The following MEMO1 variants were observed in gnomAD, a reference collection of about 807,000 sequenced individuals.
MEMO1 encodes mediator of cell motility 1.
MEMO1 carries 6 observed loss-of-function variants against 45.2 expected under a neutral mutation model. The observed-to-expected ratio is 0.13, with a 90% CI of 0.07 to 0.26. The LOEUF (loss-of-function observed/expected upper bound fraction) is 0.26, where lower values mean the gene tolerates loss of function less well. Ranked by LOEUF, MEMO1 falls within the 10% of genes least tolerant of loss-of-function variation. MEMO1 has a pLI of 1.00. For missense variants in MEMO1, 184 were observed against 370.5 expected, an observed-to-expected ratio of 0.50 and a Z score of 4.13; for synonymous variants, 78 against 124.3, an observed-to-expected ratio of 0.63 and a Z score of 2.48.
At chr2:31,924,035 G>C (rs544170363) in intron 4 of MEMO1, among the ~76,000 whole-genome samples, 3 of 152,010 alleles carry the variant, frequency 2.0e-5, no homozygotes, top group Admixed American at 6.6e-5. Flanking sequence ...CTCACCAATA[G>C]CCAAATCAAG....
chr2:31,923,424 C>T (rs906443409), intron 4 of MEMO1: 16 of 388,372 alleles, frequency 4.1e-5, no homozygotes, highest in African/African-American at 3.1e-4. Flanking sequence ...CTTGTCATCA[C>T]CTCTATCATC....
At chr2:31,901,609 G>A (rs756509242) in intron 6 of MEMO1, among the ~76,000 whole-genome samples, 87 of 152,014 alleles carry the variant, frequency 5.7e-4, no homozygotes, top group Non-Finnish European at 1.1e-3. Flanking sequence ...TTTTTAGGGT[G>A]ATGAAAACAT....
intron 6 of MEMO1, among the ~76,000 whole-genome samples, chr2:31,912,058 G>C (rs1365358224): frequency 6.6e-6 from 1 of 152,140 alleles, no homozygotes; most frequent in Non-Finnish European, 1.5e-5. Context: ...TATAGGCTGG[G>C]AGCGGTGGGT....
chr2:31,952,714 A>AT (rs1387308424), intron 2 of MEMO1, among the ~76,000 whole-genome samples: 3 of 152,084 alleles, frequency 2.0e-5, no homozygotes, highest in Non-Finnish European at 4.4e-5. Context: ...TTTGCTTGCT[A>AT]TTTTTTCATT....
At chr2:31,999,807 C>T (rs1043963930) in intron 2 of MEMO1, among the ~76,000 whole-genome samples, 2 of 151,974 alleles carry the variant, frequency 1.3e-5, no homozygotes, top group African/African-American at 4.8e-5. Flanking sequence ...TTTGAATTTG[C>T]TGTACCCTCT....
At chr2:31,911,217 C>G (rs1022121899) in intron 6 of MEMO1, among the ~76,000 whole-genome samples, 4 of 152,124 alleles carry the variant, frequency 2.6e-5, no homozygotes, top group African/African-American at 9.7e-5. Context: ...TTACCAAGCT[C>G]TAAAAAGACA....
chr2:31,984,571 A>G (rs777304495), intron 2 of MEMO1, among the ~76,000 whole-genome samples: 8 of 152,182 alleles, frequency 5.3e-5, no homozygotes, highest in Non-Finnish European at 1.0e-4. Flanking sequence ...GCACTTTGGG[A>G]GGCCAAGGCG....
intron 8 of MEMO1, among the ~76,000 whole-genome samples, chr2:31,878,533 G>T (rs1057172906): frequency 1.3e-5 from 2 of 152,112 alleles, no homozygotes; most frequent in Non-Finnish European, 2.9e-5. Flanking sequence ...ACAGGTCTTG[G>T]TGGGAAGAAA....
At position 31,874,796 on chromosome 2, in the gene MEMO1, A is replaced by G. The variant is rs537449915; in HGVS notation, c.658-4844T>C. 5.9e-5 allele frequency among the ~76,000 whole-genome samples: 9 copies of G among 152,046 alleles called. No homozygotes were observed. In the South Asian group the frequency reaches 1.7e-3, roughly 28 times the overall value. On this transcript the variant is annotated intron_variant, in intron 8 of 9. Transcript: ENST00000404530. ...TGAAAACTAAGATATTGGTTCTCAA[A>G]TGATTTAAATTATTTATAATATAAA...
In MEMO1 at chr2:31,893,419, A is replaced by C. The variant is rs1366311100; in HGVS notation, c.438-1285T>G. Reference sequence around the variant, plus strand: ...GTTTGCTAAATAACTCCCTGACTGAATAGGGGCTCTTCAATTAGTTAAGAC... The same window carrying C: ...GTTTGCTAAATAACTCCCTGACTGACTAGGGGCTCTTCAATTAGTTAAGAC... On this transcript the variant is annotated intron_variant, in intron 6 of 9. Transcript: ENST00000404530. 9 of 1,006,642 alleles carry C rather than the reference A, an allele frequency of 8.9e-6. No homozygotes were observed. The African/African-American group carries it at 1.6e-4, about 18-fold the overall frequency. The allele number at this position is 1,006,642 out of a possible 1,614,324, so 62.4% of individuals were successfully genotyped here.
intron 2 of MEMO1, among the ~76,000 whole-genome samples, chr2:31,985,697 C>T (rs190412134): frequency 2.6e-5 from 4 of 152,306 alleles, no homozygotes; most frequent in African/African-American, 7.2e-5. Context: ...TTTAGAATCA[C>T]ATTTACTCAT....
At chr2:31,985,920 G>A (rs1175291445) in intron 2 of MEMO1, among the ~76,000 whole-genome samples, 1 of 152,028 alleles carries the variant, frequency 6.6e-6, no homozygotes, top group African/African-American at 2.4e-5. Context: ...CTTGAGGCCA[G>A]GAGTTCAAGA....
intron 2 of MEMO1, among the ~76,000 whole-genome samples, chr2:31,969,588 T>TGG (rs200099749): frequency 0.036 from 592 of 16,592 alleles, 5 homozygotes; most frequent in Middle Eastern, 0.083. Context: ...TGTGTGTGGG[T>TGG]GTGTGTGTGT....
intron 6 of MEMO1, among the ~76,000 whole-genome samples, chr2:31,912,818 A>G (rs1680797113): frequency 6.6e-6 from 1 of 152,156 alleles, no homozygotes; most frequent in African/African-American, 2.4e-5. Flanking sequence ...AGAATCTTCC[A>G]CCATTCATTT....
intron 2 of MEMO1, among the ~76,000 whole-genome samples, chr2:31,944,966 G>C (rs1666025983): frequency 6.6e-6 from 1 of 152,004 alleles, no homozygotes; most frequent in African/African-American, 2.4e-5. Context: ...ATTTTCCTTG[G>C]TTAAGAAATA....
At chr2:31,961,913 T>TG (rs1162215432) in intron 2 of MEMO1, among the ~76,000 whole-genome samples, 1 of 152,208 alleles carries the variant, frequency 6.6e-6, no homozygotes, top group Non-Finnish European at 1.5e-5. Flanking sequence ...GCTAAGAATC[T>TG]GAGCCATTTT....
chr2:31,921,152 A>T (rs1682263977), intron 4 of MEMO1, among the ~76,000 whole-genome samples: 1 of 152,184 alleles, frequency 6.6e-6, no homozygotes, highest in African/African-American at 2.4e-5. Flanking sequence ...AAATGAGGCC[A>T]TTAGAGTGGG....
At chr2:31,912,645 G>C (rs1236947480) in intron 6 of MEMO1, among the ~76,000 whole-genome samples, 1 of 149,580 alleles carries the variant, frequency 6.7e-6, no homozygotes, top group Non-Finnish European at 1.5e-5. Context: ...CAAAAAAACA[G>C]AACAAAGTGT....
intron 6 of MEMO1, among the ~76,000 whole-genome samples, chr2:31,908,158 G>C (rs1680034611): frequency 6.6e-6 from 1 of 152,096 alleles, no homozygotes; most frequent in African/African-American, 2.4e-5. Context: ...AATGAAAGAA[G>C]CTCAGATTTG....
Sources: gnomAD v4.1 joint callset for allele counts (sites outside exome capture counted in the v4.1 genomes callset) on GRCh38, gnomAD v4.1.1 for gene constraint, MANE v1.5 for transcripts, NCBI Gene and HGNC (gene_info 2026-07-23, HGNC 2026-07-21) for gene names.